The following GPC6 variants were observed in gnomAD, a reference collection of about 807,000 sequenced individuals.
GPC6 encodes glypican-6.
A neutral mutation model predicts 55.2 loss-of-function variants in GPC6; 14 were observed. The ratio of observed to expected loss-of-function variants is 0.25; its 90% CI spans 0.17 to 0.40. The LOEUF (loss-of-function observed/expected upper bound fraction) is 0.40. Ranked by LOEUF, GPC6 falls within the 10% of genes least tolerant of loss-of-function variation. GPC6 has a pLI of 1.00. For synonymous variants in GPC6, 278 were observed against 259.6 expected (o/e 1.07, Z -0.68); for missense variants, 641 against 708.5 (o/e 0.90, Z 1.08).
intron 2 of GPC6, among the ~76,000 whole-genome samples, chr13:93,786,066 A>G (rs1194083109): frequency 6.6e-6 from 1 of 152,234 alleles, no homozygotes; most frequent in African/African-American, 2.4e-5. Context: ...AGGAAAGTCT[A>G]GAGTTCTCAG....
chr13:94,054,428 G>T (rs1026840969), intron 4 of GPC6, among the ~76,000 whole-genome samples: 1 of 152,164 alleles, frequency 6.6e-6, no homozygotes. Context: ...CGCTGCCAGG[G>T]TTTCTAATTC....
At chr13:93,540,797 T>C (rs1166283105) in intron 1 of GPC6, among the ~76,000 whole-genome samples, 1 of 152,184 alleles carries the variant, frequency 6.6e-6, no homozygotes, top group Admixed American at 6.5e-5. Context: ...CTATTAGCTA[T>C]AATTTTGTAT....
chr13:93,336,385 C>T (rs9561314), intron 1 of GPC6, among the ~76,000 whole-genome samples: 21,407 of 152,120 alleles, frequency 0.14, 1,759 homozygotes, highest in East Asian at 0.42. Flanking sequence ...AATAATTGTT[C>T]CCCCAGATTT....
intron 4 of GPC6, among the ~76,000 whole-genome samples, chr13:94,099,909 C>G (rs909153209): frequency 2.0e-5 from 3 of 152,098 alleles, no homozygotes; most frequent in Non-Finnish European, 4.4e-5. Context: ...GACTTGTGGA[C>G]TTCACTTAAT....
At chr13:93,965,676 C>G (rs941851670) in intron 3 of GPC6, among the ~76,000 whole-genome samples, 5 of 152,008 alleles carry the variant, frequency 3.3e-5, no homozygotes, top group African/African-American at 1.2e-4. Context: ...CTGAGGTGTC[C>G]TCACTGCCAG....
chr13:94,084,519 G>A (rs1314213889), intron 4 of GPC6, among the ~76,000 whole-genome samples: 2 of 152,020 alleles, frequency 1.3e-5, no homozygotes, highest in African/African-American at 4.8e-5. Flanking sequence ...TATGAAAGTG[G>A]GATTTATATG....
Position 94,168,644 on chromosome 13 carries a change from A to G in GPC6, c.878-117705A>G, listed in dbSNP as rs527693478. Among the ~76,000 whole-genome samples, 4 of 148,630 alleles carry G rather than the reference A, an allele frequency of 2.7e-5. No homozygotes were observed. The South Asian group carries it at 8.4e-4, about 31-fold the overall frequency. ...TATATATTTATTATATTTTATCTAC[A>G]TATTTATTTATATGTCCATATATTA... On this transcript the variant is annotated intron_variant, in intron 4 of 8. Coordinates refer to ENST00000377047, the MANE Select transcript of GPC6 (RefSeq NM_005708.5).
At chr13:93,894,788 A>G (rs929708377) in intron 3 of GPC6, among the ~76,000 whole-genome samples, 7 of 152,098 alleles carry the variant, frequency 4.6e-5, no homozygotes, top group African/African-American at 1.2e-4. Flanking sequence ...TATTAATGCA[A>G]TAGGATTTGG....
chr13:93,356,547 C>T (rs995811), intron 1 of GPC6, among the ~76,000 whole-genome samples: 64,044 of 151,988 alleles, frequency 0.42, 15,302 homozygotes, highest in East Asian at 0.92. Flanking sequence ...TGAAGGTTGT[C>T]CAAGCTGAAA....
chr13:93,943,781 G>A (rs1282447528), intron 3 of GPC6, among the ~76,000 whole-genome samples: 1 of 152,144 alleles, frequency 6.6e-6, no homozygotes, highest in African/African-American at 2.4e-5. Context: ...CCCAAGAAAT[G>A]GGCAGGCACT....
At chr13:94,294,837 A>G (rs192364487) in intron 5 of GPC6, among the ~76,000 whole-genome samples, 91 of 152,208 alleles carry the variant, frequency 6.0e-4, no homozygotes, top group Admixed American at 3.0e-3. Flanking sequence ...GGCAGTGAGC[A>G]TATTATTCCT....
chr13:94,036,692 TAG>T (rs1044303456), intron 4 of GPC6, among the ~76,000 whole-genome samples: 4 of 152,000 alleles, frequency 2.6e-5, no homozygotes, highest in Non-Finnish European at 4.4e-5. Context: ...CAAGAGCTGG[TAG>T]AGTTTTCAGA....
chr13:93,587,674 C>G (rs1007100323), intron 2 of GPC6, among the ~76,000 whole-genome samples: 5 of 152,058 alleles, frequency 3.3e-5, no homozygotes, highest in Admixed American at 2.0e-4. Flanking sequence ...GCTCTCAGTA[C>G]TCGACTTGAC....
At chr13:93,639,090 TAAAA>T (rs201615381) in intron 2 of GPC6, among the ~76,000 whole-genome samples, 1 of 145,716 alleles carries the variant, frequency 6.9e-6, no homozygotes, top group Non-Finnish European at 1.5e-5. Flanking sequence ...AATGAAATAA[TAAAA>T]AAAAAAGTTT....
chr13:93,830,489 A>G lies in GPC6; in HGVS notation c.655A>G (p.Arg219Gly). 6.2e-7 allele frequency: 1 copy of G among 1,613,888 alleles called. No homozygotes were observed. Among genetic ancestry groups the G allele is most frequent in the Non-Finnish European group, 8.5e-7 (1 of 1,179,852 alleles). The change falls in exon 3 of 9, where the codon AGG becomes GGG. Residue 219 changes from arginine to glycine, a missense_variant. Coordinates refer to ENST00000377047, the MANE Select transcript of GPC6 (RefSeq NM_005708.5). ...GGTTACCCGCGCCTTCATTGCTGCC[A>G]GGACCTTTGTCCAGGGGCTGACTGT... ...IQVTRAFIAA[R>G]TFVQGLTVGR...
rs146934012 is a variant in GPC6, at chr13:94,083,332, A to C, written c.877+55438A>C. On this transcript the variant is annotated intron_variant, in intron 4 of 8. Coordinates refer to ENST00000377047, the MANE Select transcript of GPC6 (RefSeq NM_005708.5). ...ATGGGGTTTCACCGTGTTAGCCAGG[A>C]TGGTCTCGATCTCCTGACCTTGTGA... 2.5e-3 allele frequency among the ~76,000 whole-genome samples: 378 copies of C among 152,162 alleles called. 1 individual carries two copies. The highest frequency in any genetic ancestry group is 8.7e-3 in the African/African-American group (360 of 41,540).
At chr13:94,064,635 C>T (rs574651427) in intron 4 of GPC6, among the ~76,000 whole-genome samples, 10 of 152,196 alleles carry the variant, frequency 6.6e-5, no homozygotes, top group African/African-American at 2.4e-4. Flanking sequence ...AGCCTGTCTG[C>T]CTGCCTCACC....
chr13:93,233,136 C>T (rs1159478135), intron 1 of GPC6, among the ~76,000 whole-genome samples: 1 of 151,804 alleles, frequency 6.6e-6, no homozygotes, highest in African/African-American at 2.4e-5. Flanking sequence ...TAGATTTCTC[C>T]AGTATTATTC....
intron 3 of GPC6, among the ~76,000 whole-genome samples, chr13:93,981,565 A>G (rs1880804086): frequency 6.6e-6 from 1 of 152,226 alleles, no homozygotes; most frequent in Admixed American, 6.5e-5. Flanking sequence ...CGCTCTTTGC[A>G]TAATTTTCTG....
Sources: allele counts gnomAD v4.1 joint callset (sites outside exome capture counted in the v4.1 genomes callset), GRCh38; gene constraint gnomAD v4.1.1; transcripts MANE v1.5; gene names NCBI Gene and HGNC (gene_info 2026-07-23, HGNC 2026-07-21).